Variants in TMEFF2 observed in about 807,000 individuals in gnomAD.
TMEFF2 encodes tomoregulin-2.
A neutral mutation model predicts 53.8 loss-of-function variants in TMEFF2; 28 were observed. The observed-to-expected ratio is 0.52, with a 90% CI of 0.39 to 0.71. The LOEUF (loss-of-function observed/expected upper bound fraction) is 0.71, where lower values mean the gene tolerates loss of function less well. Ranked by LOEUF, TMEFF2 falls within the 30% of genes least tolerant of loss-of-function variation. The pLI, the probability that TMEFF2 is intolerant of heterozygous loss-of-function variation, is 0.00. For synonymous variants in TMEFF2, 162 were observed against 166.3 expected, an observed-to-expected ratio of 0.97 and a Z score of 0.20; for missense variants, 353 against 455.2, an observed-to-expected ratio of 0.78 and a Z score of 2.04.
At chr2:192,147,353 T>C (rs777422067) in intron 4 of TMEFF2, among the ~76,000 whole-genome samples, 6 of 152,068 alleles carry the variant, frequency 3.9e-5, no homozygotes, top group Non-Finnish European at 5.9e-5. Context: ...TATTATACTT[T>C]AAGTTTTAGG....
At chr2:192,158,004 C>A (rs1014517239) in intron 4 of TMEFF2, among the ~76,000 whole-genome samples, 2 of 152,066 alleles carry the variant, frequency 1.3e-5, no homozygotes, top group Non-Finnish European at 2.9e-5. Flanking sequence ...ACCAGTGGTA[C>A]AATCCTTAGA....
chr2:192,176,963 T>C (rs1460302671), intron 4 of TMEFF2: 2 of 151,216 alleles, frequency 1.3e-5, no homozygotes, highest in African/African-American at 4.8e-5. Flanking sequence ...TTCACTCTTT[T>C]GTTCAGTGTA....
chr2:191,951,593 G>A (rs2105782358), intron 9 of TMEFF2, among the ~76,000 whole-genome samples: 1 of 152,206 alleles, frequency 6.6e-6, no homozygotes, highest in South Asian at 2.1e-4. Flanking sequence ...AATAGGTCTT[G>A]ACAGACAAAT....
chr2:192,158,552 T>C (rs577530407), intron 4 of TMEFF2, among the ~76,000 whole-genome samples: 1 of 152,260 alleles, frequency 6.6e-6, no homozygotes, highest in South Asian at 2.1e-4. Flanking sequence ...CACAAACCCA[T>C]GTAAAAATTA....
At chr2:191,982,518 A>AC (rs1211114179) in intron 7 of TMEFF2, among the ~76,000 whole-genome samples, 3 of 150,574 alleles carry the variant, frequency 2.0e-5, no homozygotes, top group Non-Finnish European at 3.0e-5. Context: ...AAAAAAAAAA[A>AC]AGTCAAAGAG....
chr2:192,004,733 C>A (rs936092794), intron 5 of TMEFF2, among the ~76,000 whole-genome samples: 1 of 152,170 alleles, frequency 6.6e-6, no homozygotes, highest in Non-Finnish European at 1.5e-5. Flanking sequence ...GTAAATTAAT[C>A]AAGGGTTTTT....
rs182830335 is a variant in TMEFF2 at position 192,051,033 on chromosome 2, T to C, written c.536+6646A>G. Reference sequence around the variant, plus strand: ...GTATCTACTCTTCAGTTCCCACTCATTGACACAAACAGAAAACGCTACTGC... The same window carrying C: ...GTATCTACTCTTCAGTTCCCACTCACTGACACAAACAGAAAACGCTACTGC... On this transcript the variant is annotated intron_variant, in intron 5 of 9. Coordinates refer to ENST00000272771, the MANE Select transcript of TMEFF2 (RefSeq NM_016192.4). 3.3e-5 allele frequency among the ~76,000 whole-genome samples: 5 copies of C among 152,178 alleles called. No homozygotes were observed. In the East Asian group the frequency reaches 7.8e-4, roughly 24 times the overall value.
At chr2:191,951,339 G>C (rs773646263) in intron 9 of TMEFF2, among the ~76,000 whole-genome samples, 21 of 137,142 alleles carry the variant, frequency 1.5e-4, no homozygotes, top group Admixed American at 8.3e-4. Context: ...TTTGAAACAT[G>C]TCTCCAAATG....
chr2:192,069,986 GTGTATATATATATATATATATATA>G (rs1476273467), intron 4 of TMEFF2, among the ~76,000 whole-genome samples: 304 of 11,674 alleles, frequency 0.026, 7 homozygotes, highest in African/African-American at 0.038. Flanking sequence ...GTGTGTGTGT[GTGTATATATATATATATATATATA>G]TATATATATA....
chr2:192,006,775 A>C (rs780964588), intron 5 of TMEFF2, among the ~76,000 whole-genome samples: 4 of 152,194 alleles, frequency 2.6e-5, no homozygotes, highest in African/African-American at 4.8e-5. Context: ...ACTTAAAAAA[A>C]CCAGATGACT....
chr2:192,090,059 ATCACT>A (rs973810379), intron 4 of TMEFF2, among the ~76,000 whole-genome samples: 3 of 152,176 alleles, frequency 2.0e-5, no homozygotes, highest in Non-Finnish European at 2.9e-5. Flanking sequence ...TTCTGTAAGC[ATCACT>A]TCACTTATTT....
intron 4 of TMEFF2, among the ~76,000 whole-genome samples, chr2:192,175,099 GA>G (rs1691006018): frequency 6.6e-6 from 1 of 151,510 alleles, no homozygotes; most frequent in Admixed American, 6.6e-5. Flanking sequence ...TAATCTCCAT[GA>G]GTGTAAAGAA....
At chr2:192,101,161 A>C (rs1021559571) in intron 4 of TMEFF2, among the ~76,000 whole-genome samples, 1 of 152,184 alleles carries the variant, frequency 6.6e-6, no homozygotes, top group African/African-American at 2.4e-5. Flanking sequence ...ACTGTGTTTC[A>C]GCAGCTTAGC....
chr2:192,156,783 T>C (rs1363907250), intron 4 of TMEFF2, among the ~76,000 whole-genome samples: 1 of 152,058 alleles, frequency 6.6e-6, no homozygotes, highest in Admixed American at 6.6e-5. Context: ...ATATACCGTA[T>C]CTACAGACTG....
Position 192,049,153 on chromosome 2 carries a change from A to ATGTGTGTGTGTG in TMEFF2, c.536+8514_536+8525dup, listed in dbSNP as rs56231804. Among the ~76,000 whole-genome samples the ATGTGTGTGTGTG allele has an allele frequency of 9.1e-3, 1,377 of 151,452 alleles. 7 individuals are homozygous for ATGTGTGTGTGTG. Among genetic ancestry groups the ATGTGTGTGTGTG allele is most frequent in the Non-Finnish European group, 0.015 (984 of 67,844 alleles). On this transcript the variant is annotated intron_variant, in intron 5 of 9. Coordinates refer to ENST00000272771, the MANE Select transcript of TMEFF2 (RefSeq NM_016192.4). ...TATATAAGATAGATACATTTGGTCT[A>ATGTGTGTGTGTG]TGTGTGTGTGTGTGTGTGTGCATAC...
At chr2:192,050,705 C>T (rs1322091342) in intron 5 of TMEFF2, among the ~76,000 whole-genome samples, 1 of 152,104 alleles carries the variant, frequency 6.6e-6, no homozygotes, top group Non-Finnish European at 1.5e-5. Context: ...TATAGACCAT[C>T]GTACAGACCA....
intron 2 of TMEFF2, among the ~76,000 whole-genome samples, chr2:192,187,778 T>C (rs528664341): frequency 6.6e-6 from 1 of 152,348 alleles, no homozygotes; most frequent in South Asian, 2.1e-4. Flanking sequence ...CAAAATGGGC[T>C]ACCCACCACA....
intron 4 of TMEFF2, among the ~76,000 whole-genome samples, chr2:192,157,738 T>C (rs569660929): frequency 2.0e-5 from 3 of 152,134 alleles, no homozygotes; most frequent in Non-Finnish European, 4.4e-5. Flanking sequence ...CAGGCTATGG[T>C]AAAAAAGATA....
chr2:192,186,067 T>C (rs565009898), intron 2 of TMEFF2, among the ~76,000 whole-genome samples: 23 of 152,254 alleles, frequency 1.5e-4, no homozygotes, highest in African/African-American at 5.1e-4. Context: ...GTCCTCTATA[T>C]AGTAATTCTT....
Sources: gnomAD v4.1 joint callset for allele counts (sites outside exome capture counted in the v4.1 genomes callset) on GRCh38, gnomAD v4.1.1 for gene constraint, MANE v1.5 for transcripts, NCBI Gene and HGNC (gene_info 2026-07-23, HGNC 2026-07-21) for gene names.